The following SAXO4 variants were observed in gnomAD, a reference collection of about 807,000 sequenced individuals.
The protein encoded by SAXO4 is protein phosphatase 1 regulatory subunit 32.
At chr11:61,487,349 A>G in the SAXO4 span, 1 of 960,732 alleles carries the variant, frequency 1.0e-6, no homozygotes, top group Non-Finnish European at 1.6e-6. Context: ...CTGAGTGAAT[A>G]TGGGTTCCCC....
chr11:61,489,721 G>T, the SAXO4 span: 3 of 1,561,708 alleles, frequency 1.9e-6, no homozygotes, highest in African/African-American at 2.7e-5. Context: ...GAGAAGGGCA[G>T]CAGGGGTTGC....
chr11:61,483,270 G>A, the SAXO4 span, among the ~76,000 whole-genome samples: 377 of 149,228 alleles, frequency 2.5e-3, 2 homozygotes, highest in African/African-American at 6.8e-3. Flanking sequence ...GGGTTCAAGC[G>A]ATTCTCCTGC....
the SAXO4 span, among the ~76,000 whole-genome samples, chr11:61,484,435 G>A: frequency 6.6e-6 from 1 of 152,190 alleles, no homozygotes; most frequent in Non-Finnish European, 1.5e-5. Context: ...GGTGGGAACA[G>A]AAAGGAGACA....
At chr11:61,489,981 C>A in the SAXO4 span, 2 of 1,578,072 alleles carry the variant, frequency 1.3e-6, no homozygotes, top group East Asian at 2.2e-5. Context: ...TTTCTCCCTA[C>A]CCCTCATCCA....
the SAXO4 span, chr11:61,489,045 G>A: frequency 6.6e-6 from 1 of 152,292 alleles, no homozygotes; most frequent in African/African-American, 2.4e-5. Flanking sequence ...AGGGCCGTTT[G>A]TTGTCCTCTG....
At chr11:61,490,574 C>T in the SAXO4 span, 1 of 1,613,772 alleles carries the variant, frequency 6.2e-7, no homozygotes, top group Non-Finnish European at 8.5e-7. Flanking sequence ...CAGCTGAGCC[C>T]TGAGCCCTTG....
the SAXO4 span, chr11:61,486,371 A>C: frequency 6.2e-7 from 1 of 1,613,942 alleles, no homozygotes; most frequent in Admixed American, 1.7e-5. Flanking sequence ...GAGTGTCACC[A>C]AGTCAGACTT....
chr11:61,489,852 C>G, the SAXO4 span: 4 of 1,613,916 alleles, frequency 2.5e-6, no homozygotes, highest in Non-Finnish European at 3.4e-6. Context: ...GCCCCAGATG[C>G]CAGGAGGCTA....
chr11:61,486,820 G>A, the SAXO4 span: 2 of 919,288 alleles, frequency 2.2e-6, no homozygotes, highest in Non-Finnish European at 3.5e-6. Context: ...TGGCTGGAAG[G>A]GGAAGGGAGG....
chr11:61,489,708 A>G, the SAXO4 span: 3 of 1,516,880 alleles, frequency 2.0e-6, no homozygotes, highest in African/African-American at 1.4e-5. Flanking sequence ...CTGAGGGTCG[A>G]TGGAGAAGGG....
chr11:61,486,500 CA>C, the SAXO4 span: 1 of 1,611,380 alleles, frequency 6.2e-7, no homozygotes, highest in Non-Finnish European at 8.5e-7. Flanking sequence ...ATCCTGGTGC[CA>C]GTGGCTGCTT....
chr11:61,482,742 G>T, the SAXO4 span: 1 of 1,613,938 alleles, frequency 6.2e-7, no homozygotes. Context: ...CCCTGCCCTG[G>T]AGCATGCGCC....
chr11:61,489,958 C>T, the SAXO4 span: 4 of 1,603,934 alleles, frequency 2.5e-6, no homozygotes, highest in African/African-American at 4.0e-5. Flanking sequence ...TGGCACCACC[C>T]CCAGCTCTGT....
At chr11:61,482,258 A>C in the SAXO4 span, 1 of 1,538,664 alleles carries the variant, frequency 6.5e-7, no homozygotes. Flanking sequence ...CTGCCTGGGA[A>C]GCCCTGCCTG....
At chr11:61,485,339 G>A in the SAXO4 span, 2 of 1,613,876 alleles carry the variant, frequency 1.2e-6, no homozygotes, top group Non-Finnish European at 1.7e-6. Flanking sequence ...CTGTTCCAGG[G>A]CCCACGCTTC....
At chr11:61,485,213 G>A in the SAXO4 span, 2 of 769,356 alleles carry the variant, frequency 2.6e-6, no homozygotes, top group African/African-American at 1.7e-5. Context: ...TGTGTCCAGG[G>A]TGCTGTACTG....
chr11:61,485,323 A>C, the SAXO4 span: 1 of 1,612,760 alleles, frequency 6.2e-7, no homozygotes, highest in Non-Finnish European at 8.5e-7. Context: ...CACTCCTCCA[A>C]CCTCTCTGTT....
At chr11:61,490,408 G>A in the SAXO4 span, 4 of 1,170,248 alleles carry the variant, frequency 3.4e-6, no homozygotes, top group African/African-American at 6.0e-5. Context: ...CCCTGGCTAT[G>A]CTCTCTCAGG....
At chr11:61,490,832 A>G in the SAXO4 span, 1 of 553,878 alleles carries the variant, frequency 1.8e-6, no homozygotes, top group Non-Finnish European at 3.2e-6. Context: ...ATCCTAGGGG[A>G]CAGGAGCCAG....
Sources: allele counts gnomAD v4.1 joint callset (sites outside exome capture counted in the v4.1 genomes callset), GRCh38; gene constraint gnomAD v4.1.1; transcripts MANE v1.5; gene names NCBI Gene and HGNC (gene_info 2026-07-23, HGNC 2026-07-21).